The following BRDT variants were observed in gnomAD, a reference collection of about 807,000 sequenced individuals.
BRDT encodes the protein bromodomain testis associated.
Under a neutral mutation model 113.9 loss-of-function variants are expected in BRDT, and 77 were observed. That is an observed-to-expected ratio of 0.68 (90% CI 0.56 to 0.82). BRDT has a LOEUF of 0.82. Ranked by LOEUF, BRDT falls within the 40% of genes least tolerant of loss-of-function variation. The pLI is 0.00. For missense variants in BRDT, 1,027 were observed against 1,105.4 expected, an observed-to-expected ratio of 0.93 and a Z score of 1.01; for synonymous variants, 358 against 366.5, an observed-to-expected ratio of 0.98 and a Z score of 0.26.
At chr1:92,002,223 T>C in intron 16 of BRDT, 74 bp downstream of exon 16, 4 of 1,041,886 alleles carry the variant, frequency 3.8e-6, no homozygotes, top group Non-Finnish European at 4.3e-6. Context: ...ACAAGAGGTA[T>C]TTAAAAGCCC....
intron 5 of BRDT, among the ~76,000 whole-genome samples, 162 bp from the exon 6 acceptor site, chr1:91,976,881 C>T (rs1335968242): frequency 2.0e-5 from 3 of 152,096 alleles, no homozygotes; most frequent in Non-Finnish European, 4.4e-5. Context: ...GGAAATTAAC[C>T]TTTAGCAATA....
At chr1:91,991,991 C>CAAAAAAA (rs764759925) in intron 13 of BRDT, among the ~76,000 whole-genome samples, 5 of 67,746 alleles carry the variant, frequency 7.4e-5, no homozygotes, top group Non-Finnish European at 1.3e-4. Context: ...GACTCTGTCT[C>CAAAAAAA]AAAAAAAAAA....
At chr1:91,958,577 T>C (rs1208534762) in intron 1 of BRDT, among the ~76,000 whole-genome samples, 2 of 152,184 alleles carry the variant, frequency 1.3e-5, no homozygotes, top group Non-Finnish European at 2.9e-5. Flanking sequence ...TAGAGTGTAT[T>C]TACCCTTTCA....
intron 18 of BRDT, 143 bp from the exon 19 acceptor site, chr1:92,014,063 C>T (rs1450489317): frequency 3.7e-6 from 2 of 541,998 alleles, no homozygotes; most frequent in African/African-American, 4.0e-5. Flanking sequence ...TATTGTTCAA[C>T]CTGAGAAAAT....
At chr1:91,981,586 C>T (rs1176876219) in intron 11 of BRDT, 32 bp from the exon 12 acceptor site, 1 of 1,606,680 alleles carries the variant, frequency 6.2e-7, no homozygotes, top group Non-Finnish European at 8.5e-7. Context: ...TTTAATTCTT[C>T]TGGCATTTTA....
chr1:91,985,159 G>A (rs1685091734), intron 12 of BRDT, among the ~76,000 whole-genome samples: 1 of 152,104 alleles, frequency 6.6e-6, no homozygotes, highest in Non-Finnish European at 1.5e-5. Context: ...TTGGCCCACT[G>A]CAACCTCCGA....
Position 91,978,278 on chromosome 1 carries a change from A to C in BRDT, c.1080A>C (p.Thr360=), listed in dbSNP as rs375474891. 6.2e-7 allele frequency: 1 copy of C among 1,614,130 alleles called. No individual in the cohort carries two copies. The highest frequency in any genetic ancestry group is 1.7e-5 in the Admixed American group (1 of 60,016). The change falls in exon 7 of 19, where the codon ACA becomes ACC. Residue 360 remains threonine, a synonymous_variant. Coordinates refer to ENST00000399546, the MANE Select transcript of BRDT (RefSeq NM_207189.4). ...KYNPPDHEVV[T]MARMLQDVFE... ...ATCCTCCAGATCACGAAGTTGTGACAATGGCAAGAATGCTTCAGGTGAGCT... is the reference window on the plus strand; with the variant it reads ...ATCCTCCAGATCACGAAGTTGTGACCATGGCAAGAATGCTTCAGGTGAGCT...
chr1:91,978,922 C>T (rs1403333803), intron 7 of BRDT, among the ~76,000 whole-genome samples: 1 of 142,110 alleles, frequency 7.0e-6, no homozygotes, highest in South Asian at 2.5e-4. Context: ...GGCGTGAACC[C>T]GGGAGGCAGA....
intron 15 of BRDT, among the ~76,000 whole-genome samples, chr1:91,995,640 G>GTT (rs779911992): frequency 9.5e-5 from 13 of 136,228 alleles, no homozygotes; most frequent in South Asian, 2.4e-4. Context: ...TTTTTTTGTA[G>GTT]TTTTTTTTTT....
Position 91,977,125 on chromosome 1 carries a change from C to T in BRDT, c.701C>T (p.Thr234Ile), listed in dbSNP as rs142020784. ...AVKASSEFSP[T>I]FTEKSVALPP... ...AAAGCAAGTAGTGAATTTTCTCCAA[C>T]ATTCACAGAAAAATCAGTGGCACTG... Residue 234 changes from threonine (T) to isoleucine (I), a missense_variant, in exon 6 of 19, where the codon ACA becomes ATA. Thr to Ile is a moderately conservative substitution (Grantham distance 89). Transcript: ENST00000399546. The T allele has an allele frequency of 1.9e-6, 3 of 1,613,814 alleles. No homozygotes were observed. The highest frequency in any genetic ancestry group is 2.7e-5 in the African/African-American group (2 of 75,046).
intron 4 of BRDT, among the ~76,000 whole-genome samples, chr1:91,968,893 A>C (rs917372246): frequency 6.6e-6 from 1 of 151,942 alleles, no homozygotes; most frequent in African/African-American, 2.4e-5. Flanking sequence ...TAGTTTCCTC[A>C]TTTACAATAT....
chr1:91,978,123 T>C (rs755902057), intron 6 of BRDT, 45 bp from the exon 7 acceptor site: 3 of 1,525,464 alleles, frequency 2.0e-6, no homozygotes, highest in South Asian at 1.2e-5. Context: ...CAAATAATTA[T>C]TGAATTGAAC....
intron 1 of BRDT, among the ~76,000 whole-genome samples, chr1:91,960,280 G>C (rs1360506872): frequency 6.6e-6 from 1 of 152,100 alleles, no homozygotes; most frequent in Non-Finnish European, 1.5e-5. Context: ...ATATAGTCAA[G>C]AAGTGGAAGC....
intron 8 of BRDT, among the ~76,000 whole-genome samples, 199 bp from the exon 9 acceptor site, chr1:91,980,444 C>T (rs11165910): frequency 0.72 from 109,306 of 152,142 alleles, 40,209 homozygotes; most frequent in Middle Eastern, 0.82. Flanking sequence ...ATGGGTTCAG[C>T]ACATGATAGT....
rs1410262936 is a variant in BRDT at position 91,976,458 on chromosome 1, T to A, written c.618+20T>A. On this transcript the variant is annotated intron_variant, in intron 5 of 18. Transcript: ENST00000399546. ...GCCCAAGTAAGTTTGTTGTAGTTTT[T>A]AAATCATTGCTTTTTAACACTGGAT... The A allele has an allele frequency of 3.3e-6, 5 of 1,515,714 alleles. No homozygotes were observed. The Admixed American group carries it at 7.2e-5, about 22-fold the overall frequency. The allele number at this position is 1,515,714 out of a possible 1,614,324, so 93.9% of individuals were successfully genotyped here.
At chr1:91,969,125 A>G (rs1010511656) in intron 4 of BRDT, among the ~76,000 whole-genome samples, 8 of 151,742 alleles carry the variant, frequency 5.3e-5, no homozygotes, top group African/African-American at 1.2e-4. Flanking sequence ...TTTTTTTAGT[A>G]GAGTCGGGGT....
chr1:91,966,675 CTT>C (rs1683095333), intron 3 of BRDT, among the ~76,000 whole-genome samples: 2 of 152,156 alleles, frequency 1.3e-5, no homozygotes, highest in Non-Finnish European at 2.9e-5. Flanking sequence ...TAAATGTTCT[CTT>C]TATTTAAGAG....
chr1:91,964,889 G>A (rs1682894072), intron 3 of BRDT, 125 bp downstream of exon 3: 1 of 503,154 alleles, frequency 2.0e-6, no homozygotes, highest in Non-Finnish European at 3.1e-6. Flanking sequence ...GTGTGTGTGT[G>A]TGTGTGTGTG....
chr1:91,991,215 A>G lies in BRDT; in HGVS notation c.2034A>G (p.Pro678=). The change falls in exon 13 of 19, where the codon CCA becomes CCG. Residue 678 remains proline, a synonymous_variant. Coordinates refer to ENST00000399546, the MANE Select transcript of BRDT (RefSeq NM_207189.4). ...TCCCTAAGTTTACAGAAGTAAAACCAAATGATTCTCCTTCTAAAGAGAATG... is the reference window on the plus strand; with the variant it reads ...TCCCTAAGTTTACAGAAGTAAAACCGAATGATTCTCCTTCTAAAGAGAATG... The part of the protein sequence containing the change: ...EMFPKFTEVK[P]NDSPSKENVK... The G allele has an allele frequency of 6.5e-7, 1 of 1,548,122 alleles. No individual in the cohort carries two copies. The highest frequency in any genetic ancestry group is 8.8e-7 in the Non-Finnish European group (1 of 1,132,218).
Sources: gnomAD v4.1 joint callset for allele counts (sites outside exome capture counted in the v4.1 genomes callset) on GRCh38, gnomAD v4.1.1 for gene constraint, MANE v1.5 for transcripts, NCBI Gene and HGNC (gene_info 2026-07-23, HGNC 2026-07-21) for gene names.